Variants in AFF3 observed in about 807,000 individuals in gnomAD.
AFF3 encodes the protein ALF transcription elongation factor 3, also known as AF4/FMR2 family member 3.
Under a neutral mutation model 129.7 loss-of-function variants are expected in AFF3, and 32 were observed. The ratio of observed to expected loss-of-function variants is 0.25; its 90% confidence interval spans 0.19 to 0.33. The LOEUF is 0.33. Ranked by LOEUF, AFF3 falls within the 10% of genes least tolerant of loss-of-function variation. The probability of loss-of-function intolerance (pLI) is 1.00; values close to 1 mark genes in which losing one functional copy is unlikely to be tolerated. For missense variants in AFF3, 1,373 were observed against 1,592.0 expected (o/e 0.86, Z 2.34); for synonymous variants, 644 against 635.4 (o/e 1.01, Z -0.20).
chr2:99,776,708 G>C (rs1683930883), intron 8 of AFF3, among the ~76,000 whole-genome samples: 1 of 152,198 alleles, frequency 6.6e-6, no homozygotes, highest in Non-Finnish European at 1.5e-5. Context: ...CAGATGAAGA[G>C]CTGTTGGTAC....
chr2:99,980,805 T>C (rs907325615), intron 7 of AFF3, among the ~76,000 whole-genome samples: 1 of 152,204 alleles, frequency 6.6e-6, no homozygotes, highest in Admixed American at 6.5e-5. Context: ...CTTCTGATTA[T>C]AAAAGTAATT....
intron 7 of AFF3, among the ~76,000 whole-genome samples, chr2:99,893,754 A>G (rs948617986): frequency 6.6e-6 from 1 of 152,236 alleles, no homozygotes; most frequent in African/African-American, 2.4e-5. Flanking sequence ...TTTGATTTTC[A>G]TAAATTGAGA....
Position 99,554,451 on chromosome 2 carries a change from C to G in AFF3, c.3419G>C (p.Ser1140Thr), listed in dbSNP as rs376932214. The change falls in exon 24 of 25, where the codon AGC becomes ACC. Residue 1140 changes from serine (S) to threonine (T), a missense_variant. Transcript: ENST00000672756. ...GACGATGGTCGACGGGGACAGGGCGCTGGCGTTGGAGAGGCTGCCCTGAGA... is the reference window on the plus strand; with the variant it reads ...GACGATGGTCGACGGGGACAGGGCGGTGGCGTTGGAGAGGCTGCCCTGAGA... Reference protein sequence around the residue: ...VGSQGSLSNASALSPSTIVSI... With the variant: ...VGSQGSLSNATALSPSTIVSI... 55 of 1,613,922 alleles carry G rather than the reference C, an allele frequency of 3.4e-5. No individual in the cohort carries two copies. Among genetic ancestry groups the G allele is most frequent in the Non-Finnish European group, 4.7e-5 (55 of 1,180,032 alleles).
intron 8 of AFF3, among the ~76,000 whole-genome samples, chr2:99,798,573 G>T (rs1685710382): frequency 1.3e-5 from 2 of 151,762 alleles, no homozygotes; most frequent in Admixed American, 1.3e-4. Flanking sequence ...GAAATATACT[G>T]TAAGTATAAG....
intron 4 of AFF3, among the ~76,000 whole-genome samples, chr2:100,035,265 C>G (rs1684809003): frequency 6.7e-6 from 1 of 150,342 alleles, no homozygotes. Context: ...ATATTTCACT[C>G]AAGTATTAGC....
intron 7 of AFF3, among the ~76,000 whole-genome samples, chr2:99,984,236 A>G (rs1487356322): frequency 2.0e-5 from 3 of 152,228 alleles, no homozygotes; most frequent in Non-Finnish European, 4.4e-5. Flanking sequence ...CAATGTATCC[A>G]AGATTGATAT....
chr2:99,771,147 C>T (rs965677701), intron 8 of AFF3, among the ~76,000 whole-genome samples: 1 of 152,156 alleles, frequency 6.6e-6, no homozygotes, highest in African/African-American at 2.4e-5. Context: ...CCTCAGCAAA[C>T]TAATGCAGGA....
chr2:99,852,068 C>T (rs13418045), intron 7 of AFF3, among the ~76,000 whole-genome samples: 244 of 152,148 alleles, frequency 1.6e-3, no homozygotes, highest in African/African-American at 5.6e-3. Context: ...CTACATTAAC[C>T]GCCCTCTGAG....
At chr2:100,075,848 G>C (rs537190593) in intron 4 of AFF3, among the ~76,000 whole-genome samples, 1 of 152,236 alleles carries the variant, frequency 6.6e-6, no homozygotes, top group African/African-American at 2.4e-5. Flanking sequence ...GATGTTTTGT[G>C]CCTTTGGAGG....
At chr2:99,744,729 T>C (rs932992369) in intron 9 of AFF3, among the ~76,000 whole-genome samples, 12 of 152,250 alleles carry the variant, frequency 7.9e-5, no homozygotes, top group Non-Finnish European at 1.8e-4. Flanking sequence ...ATTCTTTTTA[T>C]GGCTGAATAA....
At chr2:99,982,261 C>T (rs1350994751) in intron 7 of AFF3, among the ~76,000 whole-genome samples, 1 of 152,166 alleles carries the variant, frequency 6.6e-6, no homozygotes, top group East Asian at 1.9e-4. Context: ...GCAGGTCTTT[C>T]CCGTGCCGTT....
intron 11 of AFF3, among the ~76,000 whole-genome samples, chr2:99,719,138 T>C (rs1052273469): frequency 3.8e-4 from 57 of 151,372 alleles, no homozygotes; most frequent in African/African-American, 1.3e-3. Flanking sequence ...GTTTTTTTTT[T>C]CTTTTTAAAT....
At chr2:99,761,373 T>C (rs1011862386) in intron 8 of AFF3, among the ~76,000 whole-genome samples, 11 of 152,144 alleles carry the variant, frequency 7.2e-5, no homozygotes, top group African/African-American at 2.7e-4. Flanking sequence ...CATGGGCCAG[T>C]TTCCATTTTC....
At chr2:99,882,470 C>T (rs776931990) in intron 7 of AFF3, among the ~76,000 whole-genome samples, 4 of 152,168 alleles carry the variant, frequency 2.6e-5, no homozygotes, top group Non-Finnish European at 4.4e-5. Context: ...GGCTACAGAC[C>T]GGCTGCAGCC....
At chr2:99,858,553 GA>G (rs1208107236) in intron 7 of AFF3, among the ~76,000 whole-genome samples, 1 of 151,720 alleles carries the variant, frequency 6.6e-6, no homozygotes. Context: ...CTTGTCTTAA[GA>G]AAAAAAATGC....
intron 13 of AFF3, 152 bp downstream of exon 13, chr2:99,649,474 A>G (rs17782474): frequency 0.078 from 62,798 of 808,636 alleles, 3,053 homozygotes; most frequent in Non-Finnish European, 0.1. Flanking sequence ...TAAACTCCAC[A>G]CATGCATGAT....
intron 1 of AFF3, among the ~76,000 whole-genome samples, chr2:100,141,009 T>A (rs941994867): frequency 2.8e-5 from 4 of 143,922 alleles, no homozygotes; most frequent in Non-Finnish European, 4.6e-5. Flanking sequence ...ATGACAATGA[T>A]AACAGCTGCT....
intron 4 of AFF3, among the ~76,000 whole-genome samples, chr2:100,062,151 C>G (rs950890548): frequency 6.6e-5 from 10 of 152,144 alleles, no homozygotes; most frequent in Non-Finnish European, 1.0e-4. Context: ...ATGGACCCAG[C>G]AGGGTCTGGA....
chr2:99,760,495 T>A (rs778050137), intron 8 of AFF3, among the ~76,000 whole-genome samples: 1 of 152,186 alleles, frequency 6.6e-6, no homozygotes, highest in Non-Finnish European at 1.5e-5. Flanking sequence ...AAGGTAAAAT[T>A]TATCATTCCT....
Sources: allele counts gnomAD v4.1 joint callset (sites outside exome capture counted in the v4.1 genomes callset), GRCh38; gene constraint gnomAD v4.1.1; transcripts MANE v1.5; gene names NCBI Gene and HGNC (gene_info 2026-07-23, HGNC 2026-07-21).